The following OR5D3 variants were observed in gnomAD, a reference collection of about 807,000 sequenced individuals.
OR5D3 encodes olfactory receptor 5D3.
the OR5D3 span, chr11:55,727,216 G>A: frequency 2.5e-6 from 1 of 397,442 alleles, no homozygotes; most frequent in Non-Finnish European, 4.4e-6. Flanking sequence ...TCAATAACTA[G>A]TCATTGCATG....
the OR5D3 span, chr11:55,723,840 A>G: frequency 5.5e-6 from 2 of 366,042 alleles, no homozygotes; most frequent in Admixed American, 4.6e-5. Flanking sequence ...TAGTTTCTAG[A>G]TGTGACCTTA....
At chr11:55,726,527 G>C in the OR5D3 span, 1 of 421,044 alleles carries the variant, frequency 2.4e-6, no homozygotes, top group South Asian at 1.0e-4. Context: ...TTCTTTGCCT[G>C]TATATTTGTG....
At chr11:55,727,035 C>A in the OR5D3 span, 1 of 403,022 alleles carries the variant, frequency 2.5e-6, no homozygotes. Flanking sequence ...TCAAGGTGGC[C>A]TCTGTCTTTT....
the OR5D3 span, among the ~76,000 whole-genome samples, chr11:55,725,294 C>T: frequency 3.3e-5 from 5 of 151,978 alleles, no homozygotes; most frequent in Admixed American, 6.6e-5. Context: ...TGCCTTGTGG[C>T]ATCAAGGCAT....
chr11:55,726,996 T>A, the OR5D3 span: 7 of 400,444 alleles, frequency 1.7e-5, no homozygotes, highest in Non-Finnish European at 3.1e-5. Context: ...TCTACTGTGT[T>A]CCTAACTCCA....
chr11:55,727,949 C>G, the OR5D3 span: 12 of 152,024 alleles, frequency 7.9e-5, no homozygotes. Flanking sequence ...ATACATTATT[C>G]AAGCATTAGT....
the OR5D3 span, among the ~76,000 whole-genome samples, chr11:55,725,714 G>GAGAA: frequency 6.6e-6 from 1 of 152,024 alleles, no homozygotes. Flanking sequence ...TATAAGGAAT[G>GAGAA]AGAAAGGTGT....
chr11:55,728,824 C>T, the OR5D3 span: 1 of 151,962 alleles, frequency 6.6e-6, no homozygotes, highest in Admixed American at 6.6e-5. Context: ...TAATTTTTAA[C>T]TGTAGATAAT....
the OR5D3 span, chr11:55,729,387 G>A: frequency 6.6e-6 from 1 of 151,758 alleles, no homozygotes; most frequent in Admixed American, 6.6e-5. Context: ...TTTTTCCCAT[G>A]GAGGGCTGTG....
chr11:55,725,468 C>T, the OR5D3 span, among the ~76,000 whole-genome samples: 4 of 152,130 alleles, frequency 2.6e-5, no homozygotes, highest in South Asian at 8.3e-4. Flanking sequence ...TGTCACCTAC[C>T]TGTCTTCTGA....
At chr11:55,726,131 C>G in the OR5D3 span, 3 of 397,236 alleles carry the variant, frequency 7.6e-6, no homozygotes, top group African/African-American at 6.2e-5. Context: ...CCCACTAAGT[C>G]TCTCAATATT....
chr11:55,726,623 C>T, the OR5D3 span: 4 of 401,484 alleles, frequency 1.0e-5, no homozygotes, highest in East Asian at 1.1e-4. Context: ...GTTGCAATGT[C>T]CCAGAGGCTT....
chr11:55,724,272 G>A, the OR5D3 span, among the ~76,000 whole-genome samples: 3 of 151,856 alleles, frequency 2.0e-5, no homozygotes, highest in African/African-American at 7.3e-5. Context: ...CATGTACTCA[G>A]CAATGAAATC....
the OR5D3 span, chr11:55,728,058 A>G: frequency 1.1e-4 from 16 of 152,242 alleles, no homozygotes; most frequent in East Asian, 2.1e-3. Context: ...TGTTGATATC[A>G]GTTCGACCAT....
the OR5D3 span, chr11:55,728,835 G>A: frequency 2.6e-5 from 4 of 152,106 alleles, no homozygotes; most frequent in South Asian, 4.1e-4. Flanking sequence ...TGTAGATAAT[G>A]AGTCATAATT....
the OR5D3 span, chr11:55,727,006 A>G: frequency 5.0e-6 from 2 of 400,958 alleles, no homozygotes; most frequent in African/African-American, 2.1e-5. Flanking sequence ...TCCTAACTCC[A>G]AAAGTTCATG....
At chr11:55,725,544 G>C in the OR5D3 span, among the ~76,000 whole-genome samples, 237 of 152,030 alleles carry the variant, frequency 1.6e-3, no homozygotes, top group Middle Eastern at 0.01. Context: ...TATCACTACA[G>C]AAACATACAT....
the OR5D3 span, chr11:55,723,818 G>T: frequency 4.2e-5 from 15 of 353,714 alleles, no homozygotes; most frequent in Non-Finnish European, 7.1e-5. Flanking sequence ...GACACAGTTT[G>T]GTGCTAGGAC....
At chr11:55,728,608 C>T in the OR5D3 span, 1 of 152,190 alleles carries the variant, frequency 6.6e-6, no homozygotes, top group East Asian at 1.9e-4. Flanking sequence ...AATATGAAGT[C>T]AACCATGTGT....
Sources: allele counts gnomAD v4.1 joint callset (sites outside exome capture counted in the v4.1 genomes callset), GRCh38; gene constraint gnomAD v4.1.1; transcripts MANE v1.5; gene names NCBI Gene and HGNC (gene_info 2026-07-23, HGNC 2026-07-21).